MPP4: variants seen among roughly 807,000 people sequenced by gnomAD.
The protein encoded by MPP4 is MAGUK p55 subfamily member 4.
Under a neutral mutation model 98.3 loss-of-function variants are expected in MPP4, and 91 were observed. The observed-to-expected ratio is 0.93, with a 90% CI of 0.78 to 1.10. The LOEUF (loss-of-function observed/expected upper bound fraction) is 1.10, where lower values mean the gene tolerates loss of function less well. Among genes scored for constraint, MPP4 ranks in the 50% least tolerant of loss-of-function variants. The probability of loss-of-function intolerance (pLI) is 0.00; values close to 1 mark genes in which losing one functional copy is unlikely to be tolerated. For synonymous variants in MPP4, 261 were observed against 271.8 expected, an observed-to-expected ratio of 0.96 and a Z score of 0.39; for missense variants, 744 against 792.9, an observed-to-expected ratio of 0.94 and a Z score of 0.74.
At chr2:201,652,411 A>T (rs544445923) in intron 18 of MPP4, among the ~76,000 whole-genome samples, 1 of 152,326 alleles carries the variant, frequency 6.6e-6, no homozygotes, top group South Asian at 2.1e-4. Context: ...GTGAGCCAAG[A>T]TCACACCACT....
intron 18 of MPP4, chr2:201,650,898 A>T (rs1247744635): frequency 2.0e-6 from 2 of 985,326 alleles, no homozygotes; most frequent in Non-Finnish European, 2.4e-6. Context: ...CAACTTAAAT[A>T]GTGCCAGGTT....
chr2:201,684,165 G>A (rs982824650), intron 7 of MPP4, among the ~76,000 whole-genome samples: 13 of 151,424 alleles, frequency 8.6e-5, no homozygotes, highest in Admixed American at 2.6e-4. Context: ...GCTACAGTGA[G>A]TCATGATCAT....
At chr2:201,650,951 T>G in intron 18 of MPP4, 1 of 985,294 alleles carries the variant, frequency 1.0e-6, no homozygotes, top group Non-Finnish European at 1.2e-6. Flanking sequence ...AAGTTATTTG[T>G]TGTCTGCTCA....
intron 10 of MPP4, among the ~76,000 whole-genome samples, chr2:201,676,990 A>C (rs990874867): frequency 6.6e-6 from 1 of 152,242 alleles, no homozygotes; most frequent in Non-Finnish European, 1.5e-5. Flanking sequence ...TGCATAATTA[A>C]GGTACTTTAA....
In MPP4 at chr2:201,649,570, A is replaced by T; in HGVS notation, c.1584+6T>A. On this transcript the variant is annotated splice_donor_region_variant and intron_variant, in intron 20 of 21. Coordinates refer to ENST00000409474, the MANE Select transcript of MPP4 (RefSeq NM_033066.3). ...TGGGGACATAAATATTCCACCATGG[A>T]CCCACCTGAGGCTCTAGGTCCATGA... The T allele has an allele frequency of 6.3e-7, 1 of 1,587,970 alleles. No homozygotes were observed. Among genetic ancestry groups the T allele is most frequent in the Non-Finnish European group, 8.6e-7 (1 of 1,165,236 alleles).
Position 201,681,561 on chromosome 2 carries a change from A to T in MPP4, c.667T>A (p.Ser223Thr). 6.2e-7 allele frequency: 1 copy of T among 1,613,406 alleles called. No individual in the cohort carries two copies. The highest frequency in any genetic ancestry group is 8.5e-7 in the Non-Finnish European group (1 of 1,179,582). The change falls in exon 9 of 22, where the codon TCT becomes ACT. Residue 223 changes from serine (S) to threonine (T), a missense_variant. Physicochemically the swap from Ser to Thr is moderately conservative, Grantham distance 58. Transcript: ENST00000409474. ...PEQVIHILAM[S>T]RGTIMFKVVP... is the part of the protein sequence containing the mutation. ...ACCTTGAACATGATTGTGCCTCGAG[A>T]CATGGCCTGGAAAATAAGAGAGGAG...
At chr2:201,682,654 G>A (rs1397506076) in intron 8 of MPP4, among the ~76,000 whole-genome samples, 177 bp downstream of exon 8, 1 of 152,162 alleles carries the variant, frequency 6.6e-6, no homozygotes. Flanking sequence ...CGGGGTAGAG[G>A]AGGGAGGTCA....
At chr2:201,690,148 G>T in intron 4 of MPP4, 54 bp downstream of exon 4, 1 of 1,202,874 alleles carries the variant, frequency 8.3e-7, no homozygotes. Flanking sequence ...AGCAATGTGG[G>T]GAAAATGGCA....
chr2:201,661,319 G>T (rs1407999219), intron 14 of MPP4: 3 of 434,012 alleles, frequency 6.9e-6, no homozygotes, highest in African/African-American at 2.0e-5. Flanking sequence ...ACTTTATTCA[G>T]ACTACAGACC....
Position 201,645,271 on chromosome 2 carries a change from G to A in MPP4, c.1853C>T (p.Ala618Val). 1 of 1,613,942 alleles carries A rather than the reference G, an allele frequency of 6.2e-7. No homozygotes were observed. Reference protein sequence around the residue: ...CAQLLSAIQKAQEEPQWVPAT... With the variant: ...CAQLLSAIQKVQEEPQWVPAT... Reference sequence around the variant, plus strand: ...TGGTACCCACTGAGGCTCCTCCTGAGCCTTCTGTATGGCAGACAACAACTG... The same window carrying A: ...TGGTACCCACTGAGGCTCCTCCTGAACCTTCTGTATGGCAGACAACAACTG... The change falls in exon 22 of 22, where the codon GCT (alanine) becomes GTT (valine). Residue 618 changes from alanine (A) to valine (V), a missense_variant. Transcript: ENST00000409474.
At chr2:201,694,863 C>T (rs537691682) in intron 1 of MPP4, among the ~76,000 whole-genome samples, 1 of 152,142 alleles carries the variant, frequency 6.6e-6, no homozygotes, top group South Asian at 2.1e-4. Context: ...ATCTTCCCAC[C>T]TTGGCTTCTC....
chr2:201,666,491 C>T (rs1481807303), intron 12 of MPP4, 119 bp from the exon 13 acceptor site: 17 of 678,498 alleles, frequency 2.5e-5, no homozygotes, highest in East Asian at 1.9e-4. Flanking sequence ...GAGGCCGAGG[C>T]GGGCGGATCA....
chr2:201,645,420 A>C lies in MPP4; in HGVS notation c.1720-16T>G, dbSNP rs1687534181. On this transcript the variant is annotated splice_polypyrimidine_tract_variant and intron_variant, in intron 21 of 21. Transcript: ENST00000409474. ...GGTCTTCATCCTTTAGGAGAAATAG[A>C]AAAATATGGATAGTACAGACTTAAT... 6.2e-7 allele frequency: 1 copy of C among 1,606,002 alleles called. No individual in the cohort carries two copies. Among genetic ancestry groups the C allele is most frequent in the East Asian group, 2.2e-5 (1 of 44,842 alleles).
chr2:201,651,979 A>G, intron 18 of MPP4: 1 of 959,774 alleles, frequency 1.0e-6, no homozygotes, highest in Non-Finnish European at 1.2e-6. Flanking sequence ...ACAGAAAAAA[A>G]AAAAGAAAGA....
chr2:201,650,301 G>T lies in MPP4; in HGVS notation c.1382-136C>A, dbSNP rs573189974. 52 of 1,412,280 alleles carry T rather than the reference G, an allele frequency of 3.7e-5. No homozygotes were observed. In the African/African-American group the frequency reaches 7.1e-4, roughly 19 times the overall value. 87.5% of individuals were successfully genotyped at this position (1,412,280 alleles called of 1,614,324 possible). A position where few individuals can be genotyped will look rare whatever the true frequency, so the allele number is the denominator to read the frequency against. Reference sequence around the variant, plus strand: ...GGAGATAAAATGCTAGAACTAAAAAGAAGAAGCCTGAATTGGTGATAAGTT... The same window carrying T: ...GGAGATAAAATGCTAGAACTAAAAATAAGAAGCCTGAATTGGTGATAAGTT... On this transcript the variant is annotated intron_variant, in intron 18 of 21. Transcript: ENST00000409474.
At chr2:201,678,856 G>T (rs1171923991) in intron 10 of MPP4, among the ~76,000 whole-genome samples, 1 of 151,962 alleles carries the variant, frequency 6.6e-6, no homozygotes, top group African/African-American at 2.4e-5. Context: ...CTCACTCCTA[G>T]GTCTCAACAC....
chr2:201,689,460 T>C (rs1688940904), intron 4 of MPP4, among the ~76,000 whole-genome samples: 1 of 152,152 alleles, frequency 6.6e-6, no homozygotes, highest in African/African-American at 2.4e-5. Context: ...GGTTGCCGTG[T>C]TGAGAGTAGA....
chr2:201,651,735 C>T (rs1054268194), intron 18 of MPP4: 5 of 763,288 alleles, frequency 6.6e-6, no homozygotes, highest in African/African-American at 1.9e-5. Flanking sequence ...GGGTGGATCA[C>T]CTGGGGTCAG....
Position 201,658,480 on chromosome 2 carries a change from TAAAG to T in MPP4, c.1122_1125del (p.Phe374LeufsTer2), listed in dbSNP as rs1442195607. Reference sequence around the variant, plus strand: ...CTCTTGTTAATTTATCACCTACCTATAAAGAACTTCTGACCGTAGCCAACAAACT... The same window carrying T: ...CTCTTGTTAATTTATCACCTACCTATAACTTCTGACCGTAGCCAACAAACT... On this transcript the variant is annotated frameshift_variant, in exon 16 of 22. Transcript: ENST00000409474. LOFTEE classifies it high-confidence loss of function. The T allele has an allele frequency of 1.2e-6, 2 of 1,612,826 alleles. No homozygotes were observed. Among genetic ancestry groups the T allele is most frequent in the East Asian group, 2.2e-5 (1 of 44,842 alleles).
Sources: gnomAD v4.1 joint callset for allele counts (sites outside exome capture counted in the v4.1 genomes callset) on GRCh38, gnomAD v4.1.1 for gene constraint, MANE v1.5 for transcripts, NCBI Gene and HGNC (gene_info 2026-07-23, HGNC 2026-07-21) for gene names.